Variants in SHCBP1L observed in about 807,000 individuals in gnomAD.
SHCBP1L encodes the protein testicular spindle-associated protein SHCBP1L.
SHCBP1L carries 67 observed loss-of-function variants against 62.5 expected under a neutral mutation model. That is an observed-to-expected ratio of 1.07 (90% CI 0.88 to 1.31). The LOEUF (loss-of-function observed/expected upper bound fraction) is 1.31, where lower values mean the gene tolerates loss of function less well. Ranked by LOEUF, SHCBP1L falls within the 40% of genes most tolerant of loss-of-function variation. The pLI is 0.00. For synonymous variants in SHCBP1L, 284 were observed against 289.4 expected, an observed-to-expected ratio of 0.98 and a Z score of 0.19; for missense variants, 823 against 809.8, an observed-to-expected ratio of 1.02 and a Z score of -0.20.
At chr1:182,904,126 T>C (rs1290026839) in intron 8 of SHCBP1L, 54 bp downstream of exon 8, 1 of 1,572,320 alleles carries the variant, frequency 6.4e-7, no homozygotes, top group Non-Finnish European at 8.6e-7. Flanking sequence ...TTAAGATCAC[T>C]CAAAGCTGTC....
intron 6 of SHCBP1L, among the ~76,000 whole-genome samples, chr1:182,912,856 G>A (rs1479414768): frequency 6.6e-6 from 1 of 151,444 alleles, no homozygotes; most frequent in Non-Finnish European, 1.5e-5. Flanking sequence ...GTAAACATAG[G>A]CCAGGCACTG....
intron 6 of SHCBP1L, among the ~76,000 whole-genome samples, chr1:182,913,666 A>G (rs903585257): frequency 6.6e-6 from 1 of 152,174 alleles, no homozygotes; most frequent in Non-Finnish European, 1.5e-5. Flanking sequence ...CACATTAACA[A>G]ATATTATAAT....
chr1:182,905,259 G>T (rs1354668140), intron 7 of SHCBP1L, among the ~76,000 whole-genome samples: 1 of 152,160 alleles, frequency 6.6e-6, no homozygotes, highest in African/African-American at 2.4e-5. Context: ...GTTTTCCTTA[G>T]TAAAGTGATG....
chr1:182,900,336 G>A, intron 9 of SHCBP1L, 102 bp from the exon 10 acceptor site: 1 of 1,030,828 alleles, frequency 9.7e-7, no homozygotes, highest in Non-Finnish European at 1.3e-6. Flanking sequence ...TGGATTAACA[G>A]ATTTTTTAAA....
chr1:182,927,383 T>G (rs1042645999), intron 6 of SHCBP1L, among the ~76,000 whole-genome samples: 9 of 151,850 alleles, frequency 5.9e-5, no homozygotes, highest in Non-Finnish European at 1.3e-4. Context: ...AAAGCTTACA[T>G]GCACAGCAGC....
chr1:182,939,047 T>C, intron 5 of SHCBP1L, 129 bp downstream of exon 5: 1 of 680,958 alleles, frequency 1.5e-6, no homozygotes, highest in Non-Finnish European at 2.4e-6. Flanking sequence ...TACCTTGTGC[T>C]TACCTCATAA....
At chr1:182,902,040 CT>C (rs770148227) in intron 9 of SHCBP1L, among the ~76,000 whole-genome samples, 2 of 147,340 alleles carry the variant, frequency 1.4e-5, no homozygotes, top group African/African-American at 5.0e-5. Flanking sequence ...ACCTTCTTTT[CT>C]TTTTTCTTTC....
chr1:182,908,918 C>T (rs190530172), intron 6 of SHCBP1L, among the ~76,000 whole-genome samples: 1 of 152,274 alleles, frequency 6.6e-6, no homozygotes, highest in African/African-American at 2.4e-5. Flanking sequence ...TTTTAACGGA[C>T]AAAAGTCCTC....
chr1:182,918,209 T>C (rs930948805), intron 6 of SHCBP1L, among the ~76,000 whole-genome samples: 2 of 147,662 alleles, frequency 1.4e-5, no homozygotes, highest in Admixed American at 6.8e-5. Context: ...TACATATATA[T>C]ACACATATAT....
chr1:182,917,519 C>G (rs1416403981), intron 6 of SHCBP1L, among the ~76,000 whole-genome samples: 1 of 152,152 alleles, frequency 6.6e-6, no homozygotes, highest in East Asian at 1.9e-4. Context: ...GCTAGGATTA[C>G]AGGCGTGAGT....
intron 7 of SHCBP1L, 106 bp from the exon 8 acceptor site, chr1:182,904,536 T>C (rs1448701338): frequency 2.1e-4 from 11 of 51,296 alleles, no homozygotes; most frequent in East Asian, 8.5e-4. Context: ...CCTGTGTGCG[T>C]GTGTGTGTGT....
intron 5 of SHCBP1L, among the ~76,000 whole-genome samples, chr1:182,933,098 G>T (rs945882733): frequency 2.6e-5 from 4 of 151,548 alleles, no homozygotes; most frequent in Non-Finnish European, 4.4e-5. Flanking sequence ...TAGAGACGGG[G>T]TTTCACCATG....
At chr1:182,912,750 T>C (rs923855600) in intron 6 of SHCBP1L, among the ~76,000 whole-genome samples, 1 of 151,908 alleles carries the variant, frequency 6.6e-6, no homozygotes, top group Non-Finnish European at 1.5e-5. Context: ...CTCAAACTCC[T>C]GACCTCAAGT....
At chr1:182,914,418 T>C (rs750524791) in intron 6 of SHCBP1L, among the ~76,000 whole-genome samples, 1 of 152,216 alleles carries the variant, frequency 6.6e-6, no homozygotes, top group Non-Finnish European at 1.5e-5. Flanking sequence ...TAATTTAAGA[T>C]ACCGATGCCT....
intron 5 of SHCBP1L, among the ~76,000 whole-genome samples, chr1:182,930,653 ATGTGTGTGTGTGTGTGTGTGTGTGTGTG>A (rs1182783771): frequency 2.0e-3 from 49 of 24,662 alleles, no homozygotes; most frequent in African/African-American, 5.9e-3. Flanking sequence ...CCTGGAGTAT[ATGTGTGTGTGTGTGTGTGTGTGTGTGTG>A]TGTGTGTGTG....
At chr1:182,946,097 T>C (rs1409117570) in intron 2 of SHCBP1L, among the ~76,000 whole-genome samples, 4 of 151,736 alleles carry the variant, frequency 2.6e-5, no homozygotes, top group African/African-American at 4.8e-5. Context: ...TGATGTCTGA[T>C]GCCATTCTAC....
chr1:182,906,714 C>T lies in SHCBP1L; in HGVS notation c.1183-1065G>A, dbSNP rs11810281. 3.6e-3 allele frequency among the ~76,000 whole-genome samples: 553 copies of T among 152,188 alleles called. 3 individuals are homozygous for T. The highest frequency in any genetic ancestry group is 4.9e-3 in the Non-Finnish European group (333 of 67,994). ...CCCAAAGTGCATGAGCCACCGTGCC[C>T]GGCCCCCAGATAAACAAAATTATAC... is the stretch of plus-strand genomic sequence containing the variant. On this transcript the variant is annotated intron_variant, in intron 6 of 9. Coordinates refer to ENST00000367547, the MANE Select transcript of SHCBP1L (RefSeq NM_030933.4).
chr1:182,924,772 G>GA (rs745711634), intron 6 of SHCBP1L, among the ~76,000 whole-genome samples: 3 of 92,966 alleles, frequency 3.2e-5, no homozygotes, highest in Admixed American at 1.2e-4. Flanking sequence ...AAGAAAGAAA[G>GA]AAAGAAAGAA....
rs143766120 is a variant in SHCBP1L, at chr1:182,904,228, A to G, written c.1539T>C (p.Leu513=). ...CTGTAATTGTCAAAGCAGCCCCTGT[A>G]AGAACACACACTCCTGTTCCTTCAC... The part of the protein sequence containing the change: ...LKCEGTGVCV[L]TGAALTITDS... The change falls in exon 8 of 10, where the codon CTT becomes CTC. Residue 513 remains leucine (L), a synonymous_variant. Coordinates refer to ENST00000367547, the MANE Select transcript of SHCBP1L (RefSeq NM_030933.4). 1.1e-5 allele frequency: 18 copies of G among 1,614,086 alleles called. No homozygotes were observed. The African/African-American group carries it at 1.6e-4, about 14-fold the overall frequency.
Sources: allele counts gnomAD v4.1 joint callset (sites outside exome capture counted in the v4.1 genomes callset), GRCh38; gene constraint gnomAD v4.1.1; transcripts MANE v1.5; gene names NCBI Gene and HGNC (gene_info 2026-07-23, HGNC 2026-07-21).